The following TRIO variants were observed in gnomAD, a reference collection of about 807,000 sequenced individuals.
TRIO encodes the protein triple functional domain protein.
A neutral mutation model predicts 351.9 loss-of-function variants in TRIO; 58 were observed. The observed-to-expected ratio is 0.16, with a 90% CI of 0.13 to 0.21. The LOEUF is 0.21. Ranked by LOEUF, TRIO falls within the 10% of genes least tolerant of loss-of-function variation. TRIO has a pLI of 1.00. For missense variants in TRIO, 3,201 were observed against 4,027.8 expected, an observed-to-expected ratio of 0.79 and a Z score of 5.56; for synonymous variants, 1,758 against 1,595.7, an observed-to-expected ratio of 1.10 and a Z score of -2.42.
chr5:14,427,932 C>CT (rs1255825876), intron 34 of TRIO, among the ~76,000 whole-genome samples: 36 of 152,290 alleles, frequency 2.4e-4, no homozygotes, highest in Admixed American at 2.1e-3. Context: ...CCAAAAACTC[C>CT]AGCTTTGCAG....
intron 1 of TRIO, among the ~76,000 whole-genome samples, chr5:14,148,246 A>G (rs1787629387): frequency 1.3e-5 from 2 of 152,216 alleles, no homozygotes; most frequent in Admixed American, 6.5e-5. Context: ...TGTTTCCTAA[A>G]TGTACCCTAA....
chr5:14,245,238 C>A (rs943617200), intron 1 of TRIO, among the ~76,000 whole-genome samples: 1 of 152,214 alleles, frequency 6.6e-6, no homozygotes, highest in African/African-American at 2.4e-5. Flanking sequence ...AGCTCCTTTG[C>A]ACCTGTTGAA....
At chr5:14,348,925 A>T (rs1432350558) in intron 11 of TRIO, among the ~76,000 whole-genome samples, 1 of 141,532 alleles carries the variant, frequency 7.1e-6, no homozygotes, top group Non-Finnish European at 1.5e-5. Context: ...GCACGTGAGC[A>T]TGTGTTTTTC....
intron 1 of TRIO, among the ~76,000 whole-genome samples, chr5:14,239,868 A>G (rs896258248): frequency 1.3e-5 from 2 of 152,218 alleles, no homozygotes; most frequent in Non-Finnish European, 2.9e-5. Flanking sequence ...GGCTTCATGA[A>G]GTTTGAGATG....
At chr5:14,473,685 A>T (rs1288884625) in intron 39 of TRIO, among the ~76,000 whole-genome samples, 1 of 152,254 alleles carries the variant, frequency 6.6e-6, no homozygotes, top group Non-Finnish European at 1.5e-5. Context: ...CAAATATTTA[A>T]TATTTACAAA....
At chr5:14,154,909 G>A (rs993213616) in intron 1 of TRIO, among the ~76,000 whole-genome samples, 3 of 152,044 alleles carry the variant, frequency 2.0e-5, no homozygotes, top group Non-Finnish European at 2.9e-5. Context: ...AATTCTTTCC[G>A]TTTGAAGATT....
intron 11 of TRIO, among the ~76,000 whole-genome samples, chr5:14,351,752 C>A (rs1040722543): frequency 6.6e-6 from 1 of 152,226 alleles, no homozygotes; most frequent in African/African-American, 2.4e-5. Context: ...TTCCATACCC[C>A]ACCTCCAGAC....
At position 14,297,250 on chromosome 5, in the gene TRIO, A is replaced by G; in HGVS notation, c.1355A>G (p.Gln452Arg). The G allele has an allele frequency of 6.2e-7, 1 of 1,613,902 alleles. No individual in the cohort carries two copies. The highest frequency in any genetic ancestry group is 8.5e-7 in the Non-Finnish European group (1 of 1,179,850). The change falls in exon 7 of 57, where the codon CAG becomes CGG. Residue 452 changes from glutamine (Q) to arginine (R), a missense_variant. Coordinates refer to ENST00000344204, the MANE Select transcript of TRIO (RefSeq NM_007118.4). ...CTGGACATGTCCTCCATTTTCCACC[A>G]GAAGGCCGAAAAGGTCAGTGCCTTG... is the stretch of plus-strand genomic sequence containing the variant. ...TLLDMSSIFH[Q>R]KAEKYMSNVD...
chr5:14,387,868 C>T, intron 23 of TRIO, 21 bp downstream of exon 23: 1 of 1,609,586 alleles, frequency 6.2e-7, no homozygotes, highest in Non-Finnish European at 8.5e-7. Context: ...CTTTCAGAAT[C>T]TACCAGGATT....
chr5:14,405,815 C>T (rs749201913), intron 31 of TRIO, 33 bp from the exon 32 acceptor site: 3 of 1,604,110 alleles, frequency 1.9e-6, no homozygotes, highest in Non-Finnish European at 2.6e-6. Context: ...AAGGGCCGTT[C>T]CGTATCCTAA....
intron 11 of TRIO, among the ~76,000 whole-genome samples, chr5:14,347,923 T>C (rs1742582418): frequency 6.6e-6 from 1 of 152,244 alleles, no homozygotes; most frequent in South Asian, 2.1e-4. Flanking sequence ...TTTTAATATA[T>C]GAGTGTTTTG....
chr5:14,170,113 T>C lies in TRIO; in HGVS notation c.157+26231T>C, dbSNP rs140349859. ...ATGGAGCTCATCTGTAATCCTGGGA[T>C]GCGTTTTCTGTGTTTTATCCAAACC... On this transcript the variant is annotated intron_variant, in intron 1 of 56. Transcript: ENST00000344204. Among the ~76,000 whole-genome samples the C allele has an allele frequency of 8.1e-4, 123 of 152,334 alleles. 2 individuals are homozygous for C. Among genetic ancestry groups the C allele is most frequent in the African/African-American group, 2.9e-3 (120 of 41,572 alleles).
At chr5:14,353,066 T>C (rs1467197376) in intron 11 of TRIO, among the ~76,000 whole-genome samples, 1 of 152,146 alleles carries the variant, frequency 6.6e-6, no homozygotes, top group African/African-American at 2.4e-5. Flanking sequence ...GGGATGATGT[T>C]AAGTTTACTA....
Position 14,479,365 on chromosome 5 carries a change from A to G in TRIO, c.6243+15A>G, listed in dbSNP as rs201285504. Reference sequence around the variant, plus strand: ...CCTTTTTTGAGGTAAGACCTAAGATACAAACAGAAAGTATTTCTGAATCTT... The same window carrying G: ...CCTTTTTTGAGGTAAGACCTAAGATGCAAACAGAAAGTATTTCTGAATCTT... On this transcript the variant is annotated intron_variant, in intron 42 of 56. Coordinates refer to ENST00000344204, the MANE Select transcript of TRIO (RefSeq NM_007118.4). The G allele has an allele frequency of 8.2e-6, 13 of 1,581,840 alleles. No homozygotes were observed. The highest frequency in any genetic ancestry group is 3.4e-5 in the Admixed American group (2 of 58,100).
In TRIO at chr5:14,508,093, G is replaced by A. The variant is rs373416203; in HGVS notation, c.8965G>A (p.Val2989Met). The change falls in exon 57 of 57, where the codon GTG (valine) becomes ATG (methionine). Residue 2989 changes from valine (V) to methionine (M), a missense_variant. Coordinates refer to ENST00000344204, the MANE Select transcript of TRIO (RefSeq NM_007118.4). ...GCTCACATACGTACTTCTTAGTGGC[G>A]TGTCCCCCTTCCTGGATGACAGTGT... ...GVLTYVLLSG[V>M]SPFLDDSVEE... The A allele has an allele frequency of 8.7e-6, 14 of 1,614,058 alleles. No homozygotes were observed. Among genetic ancestry groups the A allele is most frequent in the African/African-American group, 2.7e-5 (2 of 74,920 alleles).
intron 3 of TRIO, among the ~76,000 whole-genome samples, chr5:14,283,045 G>A (rs1183561891): frequency 6.6e-6 from 1 of 152,168 alleles, no homozygotes; most frequent in Non-Finnish European, 1.5e-5. Flanking sequence ...TGAGTGTATA[G>A]CAGCAGGAGC....
intron 15 of TRIO, among the ~76,000 whole-genome samples, chr5:14,365,155 C>A (rs758263221): frequency 6.6e-6 from 1 of 152,162 alleles, no homozygotes; most frequent in African/African-American, 2.4e-5. Flanking sequence ...ACTTTTTCTG[C>A]CCAGTACTGT....
chr5:14,160,851 T>C (rs1463950583), intron 1 of TRIO, among the ~76,000 whole-genome samples: 2 of 152,226 alleles, frequency 1.3e-5, no homozygotes, highest in Non-Finnish European at 2.9e-5. Flanking sequence ...AGCTCCTCTT[T>C]TTGTTTGCAT....
intron 9 of TRIO, among the ~76,000 whole-genome samples, chr5:14,325,315 G>A (rs896706032): frequency 2.0e-5 from 3 of 152,188 alleles, no homozygotes; most frequent in African/African-American, 7.2e-5. Context: ...TTTGGCTCAC[G>A]GTTCTGCAGG....
Sources: gnomAD v4.1 joint callset for allele counts (sites outside exome capture counted in the v4.1 genomes callset) on GRCh38, gnomAD v4.1.1 for gene constraint, MANE v1.5 for transcripts, NCBI Gene and HGNC (gene_info 2026-07-23, HGNC 2026-07-21) for gene names.